The following HS3ST5 variants were observed in gnomAD, a reference collection of about 807,000 sequenced individuals.
HS3ST5 encodes heparan sulfate-glucosamine 3-sulfotransferase 5, also known as heparan sulfate glucosamine 3-O-sulfotransferase 5.
In HS3ST5, 10 loss-of-function variants were observed where a neutral mutation model predicts 25.4. The observed-to-expected ratio is 0.39, with a 90% CI of 0.24 to 0.67. The LOEUF is 0.67. HS3ST5 is among the 30% of genes least tolerant of loss of function. The pLI, the probability that HS3ST5 is intolerant of heterozygous loss-of-function variation, is 0.44. For missense variants in HS3ST5, 324 were observed against 420.7 expected, an observed-to-expected ratio of 0.77 and a Z score of 2.01; for synonymous variants, 170 against 162.4, an observed-to-expected ratio of 1.05 and a Z score of -0.36.
chr6:114,261,151 T>C (rs1297960564), intron 1 of HS3ST5, among the ~76,000 whole-genome samples: 2 of 151,996 alleles, frequency 1.3e-5, no homozygotes, highest in East Asian at 1.9e-4. Context: ...TATTCAAGAA[T>C]TTGGGTAGGA....
In HS3ST5 at chr6:114,144,872, C is replaced by T. The variant is rs6918203; in HGVS notation, c.-33+23479G>A. Among the ~76,000 whole-genome samples, 637 of 152,296 alleles carry T rather than the reference C, an allele frequency of 4.2e-3. 3 individuals are homozygous for T. The highest frequency in any genetic ancestry group is 0.015 in the African/African-American group (610 of 41,554). On this transcript the variant is annotated intron_variant, in intron 3 of 4. Transcript: ENST00000312719. Reference sequence around the variant, plus strand: ...TCCTGTGGCAGTGCCTGATATATAACAGCTATTCAGTAAACGTTTATGTCT... The same window carrying T: ...TCCTGTGGCAGTGCCTGATATATAATAGCTATTCAGTAAACGTTTATGTCT...
intron 3 of HS3ST5, among the ~76,000 whole-genome samples, chr6:114,139,365 CT>C (rs1190787465): frequency 6.6e-6 from 1 of 151,548 alleles, no homozygotes; most frequent in East Asian, 1.9e-4. Flanking sequence ...GAATTTTACA[CT>C]CTCGCAAATG....
rs114876732 is a variant in HS3ST5 at position 114,287,266 on chromosome 6, A to G, written c.-339+54929T>C. Among the ~76,000 whole-genome samples, 1,273 of 152,104 alleles carry G rather than the reference A, an allele frequency of 8.4e-3. 24 individuals are homozygous for G. The highest frequency in any genetic ancestry group is 0.029 in the African/African-American group (1,188 of 41,510). On this transcript the variant is annotated intron_variant, in intron 1 of 4. Transcript: ENST00000312719. ...ACCAGTCACTCTCCTAATTATTTATATATATTTAATCATTAGTTTACAAAC... is the reference window on the plus strand; with the variant it reads ...ACCAGTCACTCTCCTAATTATTTATGTATATTTAATCATTAGTTTACAAAC...
chr6:114,060,586 G>T (rs950311267), intron 4 of HS3ST5, among the ~76,000 whole-genome samples: 1 of 152,186 alleles, frequency 6.6e-6, no homozygotes, highest in African/African-American at 2.4e-5. Context: ...CACCTAGAAT[G>T]ATGCTAGTAC....
intron 1 of HS3ST5, among the ~76,000 whole-genome samples, chr6:114,254,742 T>C (rs1772825390): frequency 6.6e-6 from 1 of 151,136 alleles, no homozygotes; most frequent in Non-Finnish European, 1.5e-5. Context: ...GTGAAAGGGG[T>C]TTCCCCTTAT....
chr6:114,134,584 C>T (rs898296530), intron 3 of HS3ST5, among the ~76,000 whole-genome samples: 5 of 152,102 alleles, frequency 3.3e-5, no homozygotes, highest in African/African-American at 9.7e-5. Context: ...CTAAGCCGCA[C>T]GTGGAATTGT....
chr6:114,125,068 T>C (rs1442592933), intron 3 of HS3ST5, among the ~76,000 whole-genome samples: 1 of 152,182 alleles, frequency 6.6e-6, no homozygotes, highest in African/African-American at 2.4e-5. Flanking sequence ...AAAATATCAT[T>C]GATTTTTTCT....
intron 2 of HS3ST5, among the ~76,000 whole-genome samples, chr6:114,204,651 T>G (rs991246558): frequency 3.9e-5 from 6 of 152,214 alleles, no homozygotes; most frequent in African/African-American, 1.4e-4. Flanking sequence ...ACTTTTATAG[T>G]ATAAAACACA....
intron 1 of HS3ST5, among the ~76,000 whole-genome samples, chr6:114,257,377 T>C (rs1384534499): frequency 6.6e-6 from 1 of 152,226 alleles, no homozygotes; most frequent in Non-Finnish European, 1.5e-5. Context: ...CATTAATCCA[T>C]ATGATAACCC....
intron 1 of HS3ST5, among the ~76,000 whole-genome samples, chr6:114,268,666 A>G (rs1168053247): frequency 6.6e-6 from 1 of 152,226 alleles, no homozygotes; most frequent in Non-Finnish European, 1.5e-5. Flanking sequence ...TCTTTGTATA[A>G]CAAGAACTGA....
rs193073676 is a variant in HS3ST5 at position 114,289,444 on chromosome 6, C to T, written c.-339+52751G>A. The stretch of plus-strand genomic sequence containing the variant: ...GACATAAAATTTAAAGACATCCCAC[C>T]AATTATCTTCCTCCTCATTATTTTT... On this transcript the variant is annotated intron_variant, in intron 1 of 4. Transcript: ENST00000312719. 2.0e-5 allele frequency among the ~76,000 whole-genome samples: 3 copies of T among 152,156 alleles called. No homozygotes were observed. The East Asian group carries it at 5.8e-4, about 29-fold the overall frequency.
chr6:114,195,372 C>G (rs560944504), intron 2 of HS3ST5, among the ~76,000 whole-genome samples: 13 of 152,214 alleles, frequency 8.5e-5, no homozygotes, highest in African/African-American at 3.1e-4. Flanking sequence ...ATAGAGAGAC[C>G]AGACCCACTG....
intron 2 of HS3ST5, among the ~76,000 whole-genome samples, chr6:114,203,195 C>G (rs1781110148): frequency 6.6e-6 from 1 of 152,216 alleles, no homozygotes; most frequent in Non-Finnish European, 1.5e-5. Context: ...TCACAAAAGA[C>G]AGATTAACTG....
intron 4 of HS3ST5, chr6:114,059,312 T>G (rs1018602935): frequency 2.6e-5 from 4 of 152,236 alleles, no homozygotes; most frequent in African/African-American, 9.6e-5. Context: ...AAAAAGGCTG[T>G]TAAACCAATT....
intron 1 of HS3ST5, among the ~76,000 whole-genome samples, chr6:114,280,571 T>A (rs576676058): frequency 6.6e-6 from 1 of 152,150 alleles, no homozygotes; most frequent in Non-Finnish European, 1.5e-5. Flanking sequence ...TGTTAAACTA[T>A]TAAGTTACTT....
chr6:114,058,039 C>T lies in HS3ST5; in HGVS notation c.259G>A (p.Val87Ile). ...SKEQVRLHDL[V>I]QQLPKAIIIG... ...ATAATGGCCTTGGGGAGCTGCTGGA[C>T]CAGGTCATGGAGGCGAACCTGCTCC... is the stretch of plus-strand genomic sequence containing the variant. The change falls in exon 5 of 5, where the codon GTC becomes ATC. Residue 87 changes from valine (V) to isoleucine (I), a missense_variant. Physicochemically the swap from Val to Ile is conservative, Grantham distance 29. Around this residue, in one of 2 missense-constraint regions of HS3ST5, gnomAD observed 121 missense variants for 117.3 expected, o/e 1.03. Coordinates refer to ENST00000312719, the MANE Select transcript of HS3ST5 (RefSeq NM_153612.4). 6.2e-7 allele frequency: 1 copy of T among 1,614,182 alleles called. No homozygotes were observed. Among genetic ancestry groups the T allele is most frequent in the East Asian group, 2.2e-5 (1 of 44,886 alleles).
intron 1 of HS3ST5, among the ~76,000 whole-genome samples, chr6:114,261,822 G>T (rs1402494868): frequency 6.6e-6 from 1 of 152,150 alleles, no homozygotes; most frequent in Non-Finnish European, 1.5e-5. Context: ...AAATCTGCAG[G>T]AGAGTGTTTC....
At chr6:114,221,750 C>A (rs1435995773) in intron 2 of HS3ST5, among the ~76,000 whole-genome samples, 1 of 151,580 alleles carries the variant, frequency 6.6e-6, no homozygotes, top group African/African-American at 2.4e-5. Flanking sequence ...CGGGTAGATT[C>A]TAAAAGTTAA....
intron 3 of HS3ST5, among the ~76,000 whole-genome samples, chr6:114,065,619 T>C (rs951646629): frequency 1.3e-5 from 2 of 152,220 alleles, no homozygotes; most frequent in African/African-American, 4.8e-5. Flanking sequence ...ATATAAAGGT[T>C]TATTAGCTTG....
Sources: allele counts gnomAD v4.1 joint callset (sites outside exome capture counted in the v4.1 genomes callset), GRCh38; gene constraint gnomAD v4.1.1; regional missense constraint gnomAD v4.1.1; transcripts MANE v1.5; gene names NCBI Gene and HGNC (gene_info 2026-07-23, HGNC 2026-07-21).